Variants in TENM3 observed in about 807,000 individuals in gnomAD.
TENM3 encodes teneurin transmembrane protein 3.
Under a neutral mutation model 255.1 loss-of-function variants are expected in TENM3, and 63 were observed. The ratio of observed to expected loss-of-function variants is 0.25; its 90% CI spans 0.20 to 0.30. TENM3 has a LOEUF of 0.30. Ranked by LOEUF, TENM3 falls within the 10% of genes least tolerant of loss-of-function variation. The probability of loss-of-function intolerance (pLI) is 1.00; values close to 1 mark genes in which losing one functional copy is unlikely to be tolerated. For synonymous variants in TENM3, 1,306 were observed against 1,322.3 expected (o/e 0.99, Z 0.27); for missense variants, 2,929 against 3,461.1 (o/e 0.85, Z 3.86).
chr4:182,240,134 A>C (rs7663302), upstream of TENM3, among the ~76,000 whole-genome samples: 95,162 of 152,042 alleles, frequency 0.63, 31,666 homozygotes, highest in African/African-American at 0.86. Context: ...CTGTTGCCTT[A>C]ATTAAACTCA....
chr4:182,127,934 T>C, the TENM3 span, among the ~76,000 whole-genome samples: 13 of 152,198 alleles, frequency 8.5e-5, no homozygotes, highest in African/African-American at 2.9e-4. Flanking sequence ...GAGAATTAAA[T>C]ATAAATTCAG....
the TENM3 span, among the ~76,000 whole-genome samples, chr4:181,859,011 G>T: frequency 5.3e-5 from 8 of 152,056 alleles, no homozygotes; most frequent in Non-Finnish European, 5.9e-5. Flanking sequence ...AGCAGCTGCT[G>T]TAGGTGATCT....
chr4:181,660,007 C>T, the TENM3 span, among the ~76,000 whole-genome samples: 8 of 152,128 alleles, frequency 5.3e-5, no homozygotes, highest in Admixed American at 1.3e-4. Flanking sequence ...GACGGCTCTG[C>T]GGTGGTCCTT....
chr4:182,715,691 T>G (rs949423695), intron 13 of TENM3, among the ~76,000 whole-genome samples: 1 of 152,144 alleles, frequency 6.6e-6, no homozygotes, highest in Non-Finnish European at 1.5e-5. Flanking sequence ...TCAACTACTA[T>G]TCTGTAGGAA....
intron 11 of TENM3, among the ~76,000 whole-genome samples, chr4:182,685,723 A>G (rs1045432047): frequency 6.6e-6 from 1 of 152,120 alleles, no homozygotes; most frequent in Non-Finnish European, 1.5e-5. Context: ...TAGCTGTAGA[A>G]TAATACTTGC....
chr4:182,122,620 G>A, the TENM3 span, among the ~76,000 whole-genome samples: 1 of 152,174 alleles, frequency 6.6e-6, no homozygotes, highest in Admixed American at 6.5e-5. Flanking sequence ...GGTGTAAACA[G>A]ATGTGCTGTC....
intron 5 of TENM3, among the ~76,000 whole-genome samples, chr4:182,651,006 C>G (rs1437182813): frequency 6.6e-6 from 1 of 151,228 alleles, no homozygotes; most frequent in African/African-American, 2.4e-5. Flanking sequence ...CATATGACAT[C>G]TGCGCATGAT....
At chr4:182,282,244 C>G (rs1164759099) in intron 1 of TENM3, among the ~76,000 whole-genome samples, 6 of 152,240 alleles carry the variant, frequency 3.9e-5, no homozygotes, top group Non-Finnish European at 7.4e-5. Flanking sequence ...TAGGCATGCC[C>G]AACCCCAAAC....
In TENM3 at chr4:182,720,892, C is replaced by T. The variant is rs546342563; in HGVS notation, c.2368+6659C>T. Among the ~76,000 whole-genome samples, 4 of 151,808 alleles carry T rather than the reference C, an allele frequency of 2.6e-5. 1 individual carries two copies. The highest frequency in any genetic ancestry group is 4.2e-4 in the South Asian group (2 of 4,792). ...AAGCGATTCTCCTGCCTCAGCCTCC[C>T]GAGTAGCTGGAATTACAGGCGCTTG... On this transcript the variant is annotated intron_variant, in intron 13 of 27. Coordinates refer to ENST00000511685, the MANE Select transcript of TENM3 (RefSeq NM_001080477.4).
chr4:182,151,846 G>A lies in TENM3; in HGVS notation c.-76+7092G>A, dbSNP rs369154074. On this transcript the variant is annotated intron_variant, in intron 1 of 2. Coordinates refer to the TENM3 transcript ENST00000512480. Reference sequence around the variant, plus strand: ...TTAAAATACTGCAAATAATAAAAACGAATCTAGTAATCTAAATACATATTA... The same window carrying A: ...TTAAAATACTGCAAATAATAAAAACAAATCTAGTAATCTAAATACATATTA... Among the ~76,000 whole-genome samples the A allele has an allele frequency of 4.6e-5, 7 of 151,936 alleles. No homozygotes were observed. The East Asian group carries it at 1.2e-3, about 25-fold the overall frequency.
At chr4:182,642,552 A>C (rs1382594449) in intron 5 of TENM3, among the ~76,000 whole-genome samples, 1 of 152,256 alleles carries the variant, frequency 6.6e-6, no homozygotes, top group Non-Finnish European at 1.5e-5. Flanking sequence ...GTGTGTTCCC[A>C]TCAAGGCATT....
At chr4:182,651,488 C>T (rs1001573407) in intron 5 of TENM3, among the ~76,000 whole-genome samples, 1 of 151,822 alleles carries the variant, frequency 6.6e-6, no homozygotes, top group Non-Finnish European at 1.5e-5. Flanking sequence ...TTCAGGAGTT[C>T]GAGAACAGCC....
At chr4:182,012,464 G>A in the TENM3 span, among the ~76,000 whole-genome samples, 1 of 152,288 alleles carries the variant, frequency 6.6e-6, no homozygotes, top group African/African-American at 2.4e-5. Context: ...CCAAAGGGAT[G>A]GACGTAAAGA....
chr4:181,607,909 C>T, the TENM3 span, among the ~76,000 whole-genome samples: 1 of 152,112 alleles, frequency 6.6e-6, no homozygotes, highest in African/African-American at 2.4e-5. Context: ...ATTTTCAAAG[C>T]CTTAAAGGAA....
At chr4:182,009,235 CT>C in the TENM3 span, among the ~76,000 whole-genome samples, 2 of 152,118 alleles carry the variant, frequency 1.3e-5, no homozygotes, top group African/African-American at 4.8e-5. Context: ...GGAGCAGGAC[CT>C]GTTTAATGAA....
intron 3 of TENM3, among the ~76,000 whole-genome samples, chr4:182,519,613 T>C (rs1738355047): frequency 6.6e-6 from 1 of 152,206 alleles, no homozygotes; most frequent in African/African-American, 2.4e-5. Flanking sequence ...CATGTCTTTC[T>C]GAGAATTCCA....
At chr4:182,004,981 C>T in the TENM3 span, among the ~76,000 whole-genome samples, 6 of 152,058 alleles carry the variant, frequency 3.9e-5, no homozygotes, top group African/African-American at 9.7e-5. Context: ...CTTTGTCAGA[C>T]GGGTAGATTG....
intron 3 of TENM3, among the ~76,000 whole-genome samples, chr4:182,563,235 C>T (rs1743398827): frequency 1.3e-5 from 2 of 151,886 alleles, no homozygotes; most frequent in Non-Finnish European, 2.9e-5. Flanking sequence ...GCCAACATGT[C>T]GTGCATATGT....
intron 3 of TENM3, among the ~76,000 whole-genome samples, chr4:182,456,682 GAAGAGATAATCTTT>G (rs1157818837): frequency 6.6e-6 from 1 of 152,158 alleles, no homozygotes; most frequent in African/African-American, 2.4e-5. Context: ...CTAAAGTAGG[GAAGAGATAATCTTT>G]AAGATGATAA....
Sources: gnomAD v4.1 joint callset for allele counts (sites outside exome capture counted in the v4.1 genomes callset) on GRCh38, gnomAD v4.1.1 for gene constraint, MANE v1.5 for transcripts, NCBI Gene and HGNC (gene_info 2026-07-23, HGNC 2026-07-21) for gene names.